Variants in NSUN6 observed in about 807,000 individuals in gnomAD.
NSUN6 encodes the protein tRNA (cytosine(72)-C(5))-methyltransferase NSUN6.
Under a neutral mutation model 58.0 loss-of-function variants are expected in NSUN6, and 64 were observed. The observed-to-expected ratio is 1.10, with a 90% CI of 0.90 to 1.36. NSUN6 has a LOEUF of 1.36. Among genes scored for constraint, NSUN6 ranks in the 40% most tolerant of loss-of-function variants. NSUN6 has a pLI of 0.00. For synonymous variants in NSUN6, 231 were observed against 193.9 expected (o/e 1.19, Z -1.59); for missense variants, 701 against 550.1 (o/e 1.27, Z -2.74).
chr10:18,622,587 G>A (rs1186620390), intron 3 of NSUN6, among the ~76,000 whole-genome samples: 5 of 152,170 alleles, frequency 3.3e-5, no homozygotes, highest in Non-Finnish European at 5.9e-5. Flanking sequence ...GGTGGCAGAC[G>A]CCTGTAATTC....
chr10:18,552,029 C>G (rs1014638116), intron 8 of NSUN6, 58 bp from the exon 9 acceptor site: 2 of 971,010 alleles, frequency 2.1e-6, no homozygotes, highest in East Asian at 5.0e-5. Context: ...AACTAGAAAA[C>G]TCCTGAGATG....
chr10:18,621,167 T>G (rs1211550498), intron 3 of NSUN6, among the ~76,000 whole-genome samples: 1 of 152,208 alleles, frequency 6.6e-6, no homozygotes, highest in Non-Finnish European at 1.5e-5. Context: ...TGTGGGTATG[T>G]ACCAGGCAGT....
At chr10:18,630,633 GC>G (rs1405498079) in intron 3 of NSUN6, among the ~76,000 whole-genome samples, 2 of 152,158 alleles carry the variant, frequency 1.3e-5, no homozygotes, top group Non-Finnish European at 2.9e-5. Flanking sequence ...ACACCTCTAA[GC>G]AAATAAACTA....
chr10:18,644,100 T>C (rs1314791637), intron 2 of NSUN6, among the ~76,000 whole-genome samples: 2 of 152,236 alleles, frequency 1.3e-5, no homozygotes, highest in African/African-American at 2.4e-5. Flanking sequence ...TAAAGAACTG[T>C]ACTCCAGTTT....
intron 3 of NSUN6, among the ~76,000 whole-genome samples, chr10:18,637,661 T>C (rs1001076908): frequency 1.3e-5 from 2 of 152,214 alleles, no homozygotes; most frequent in African/African-American, 4.8e-5. Flanking sequence ...CTTATGCAAG[T>C]CCACAAATAT....
At chr10:18,648,267 G>A (rs2059606115) in intron 2 of NSUN6, among the ~76,000 whole-genome samples, 1 of 152,100 alleles carries the variant, frequency 6.6e-6, no homozygotes, top group Non-Finnish European at 1.5e-5. Flanking sequence ...GGTTTAATGA[G>A]CTATTTTAGT....
At chr10:18,659,175 C>A, upstream of NSUN6, 1 of 164,904 alleles carries the variant, frequency 6.1e-6, no homozygotes, top group Non-Finnish European at 1.3e-5. Context: ...AGGGAAATTT[C>A]CCACCCCCCC....
chr10:18,568,316 G>A (rs531549072), intron 8 of NSUN6, among the ~76,000 whole-genome samples: 60 of 141,784 alleles, frequency 4.2e-4, no homozygotes, highest in African/African-American at 1.2e-3. Flanking sequence ...ATTCCATTCC[G>A]CATTCCATTC....
At chr10:18,651,068 C>T (rs2059690210) in intron 1 of NSUN6, 61 bp downstream of exon 1, 2 of 1,564,156 alleles carry the variant, frequency 1.3e-6, no homozygotes, top group African/African-American at 2.8e-5. Flanking sequence ...TTCTATTTCT[C>T]TCGAGTGTGC....
At chr10:18,619,921 C>A (rs1368500707) in intron 3 of NSUN6, among the ~76,000 whole-genome samples, 1 of 151,962 alleles carries the variant, frequency 6.6e-6, no homozygotes, top group Non-Finnish European at 1.5e-5. Flanking sequence ...AATATTTTTA[C>A]TATGTGCGAT....
At chr10:18,567,673 C>T (rs1000295972) in intron 8 of NSUN6, among the ~76,000 whole-genome samples, 5 of 148,216 alleles carry the variant, frequency 3.4e-5, no homozygotes, top group Non-Finnish European at 7.5e-5. Flanking sequence ...CATTCCATTC[C>T]GCATTCCATT....
rs978095771 is a variant in NSUN6, at chr10:18,545,880, A to C, written c.*53T>G. ...ACAACACTTTGGTTAAAAAAAAAAA[A>C]ACCACAGACAGCAAATGTTTGGAAT... is the stretch of plus-strand genomic sequence containing the variant. On this transcript the variant is annotated 3_prime_UTR_variant, in exon 11 of 11. Transcript: ENST00000377304. 9.2e-7 allele frequency: 1 copy of C among 1,085,454 alleles called. No homozygotes were observed. The highest frequency in any genetic ancestry group is 1.4e-6 in the Non-Finnish European group (1 of 728,564). The allele number at this position is 1,085,454 out of a possible 1,614,324, so 67.2% of individuals were successfully genotyped here.
At chr10:18,550,826 G>C (rs2054554125) in intron 9 of NSUN6, among the ~76,000 whole-genome samples, 1 of 151,204 alleles carries the variant, frequency 6.6e-6, no homozygotes. Context: ...CCGAGTTCAA[G>C]CAATTCTCCT....
At chr10:18,569,489 T>C (rs62648446) in intron 8 of NSUN6, among the ~76,000 whole-genome samples, 6 of 148,096 alleles carry the variant, frequency 4.1e-5, no homozygotes, top group Admixed American at 2.7e-4. Context: ...CCATTCCATT[T>C]CATTCCACTA....
At chr10:18,619,834 T>C (rs2058538840) in intron 3 of NSUN6, among the ~76,000 whole-genome samples, 1 of 152,254 alleles carries the variant, frequency 6.6e-6, no homozygotes, top group South Asian at 2.1e-4. Flanking sequence ...TTCAAGTTTT[T>C]ATATCATTTG....
At position 18,580,669 on chromosome 10, in the gene NSUN6, AG is replaced by A. The variant is rs1254758357; in HGVS notation, c.922+5279del. Among the ~76,000 whole-genome samples the A allele has an allele frequency of 3.3e-5, 5 of 152,196 alleles. No homozygotes were observed. In the East Asian group the frequency reaches 9.6e-4, roughly 29 times the overall value. ...CCAAAAGACCAGAGGCTGCCACCCC[AG>A]CCCAGCATCAAGAGTCTGGCTCCAA... On this transcript the variant is annotated intron_variant, in intron 8 of 10. Transcript: ENST00000377304.
chr10:18,614,812 G>C (rs1385536070), intron 4 of NSUN6, among the ~76,000 whole-genome samples, 199 bp from the exon 5 acceptor site: 1 of 151,924 alleles, frequency 6.6e-6, no homozygotes, highest in Non-Finnish European at 1.5e-5. Context: ...ACTCACTAAA[G>C]AATCTTTTTC....
chr10:18,653,515 G>A (rs141741014), upstream of NSUN6: 723 of 155,502 alleles, frequency 4.6e-3, 6 homozygotes, highest in African/African-American at 0.017. Context: ...GGGATCATAG[G>A]TGCCCACCAC....
chr10:18,639,191 A>G (rs569377861), intron 3 of NSUN6, among the ~76,000 whole-genome samples: 1 of 152,308 alleles, frequency 6.6e-6, no homozygotes, highest in African/African-American at 2.4e-5. Flanking sequence ...CTCATAATGG[A>G]AAGTCAAAAA....
Sources: gnomAD v4.1 joint callset for allele counts (sites outside exome capture counted in the v4.1 genomes callset) on GRCh38, gnomAD v4.1.1 for gene constraint, MANE v1.5 for transcripts, NCBI Gene and HGNC (gene_info 2026-07-23, HGNC 2026-07-21) for gene names.